Variants in ANK3 observed in about 807,000 individuals in gnomAD.
ANK3 encodes the protein ankyrin 3.
A neutral mutation model predicts 370.9 loss-of-function variants in ANK3; 57 were observed. That is an observed-to-expected ratio of 0.15 (90% CI 0.12 to 0.19). ANK3 has a LOEUF of 0.19. ANK3 is among the 10% of genes least tolerant of loss of function. The probability of loss-of-function intolerance (pLI) is 1.00; values close to 1 mark genes in which losing one functional copy is unlikely to be tolerated. For missense variants in ANK3, 4,439 were observed against 5,302.1 expected (o/e 0.84, Z 5.06); for synonymous variants, 1,929 against 1,946.3 (o/e 0.99, Z 0.23).
At chr10:60,421,391 G>C (rs1248588398) in intron 2 of ANK3, among the ~76,000 whole-genome samples, 5 of 151,962 alleles carry the variant, frequency 3.3e-5, no homozygotes, top group Non-Finnish European at 7.4e-5. Context: ...AATAAACGTG[G>C]GGGAGGAAAG....
intron 2 of ANK3, among the ~76,000 whole-genome samples, chr10:60,427,201 A>G (rs1256383660): frequency 6.6e-6 from 1 of 152,198 alleles, no homozygotes; most frequent in Non-Finnish European, 1.5e-5. Flanking sequence ...TGTAAATCAA[A>G]TAAGCAGTCA....
At chr10:60,201,995 G>T (rs916426878) in intron 12 of ANK3, among the ~76,000 whole-genome samples, 1 of 151,954 alleles carries the variant, frequency 6.6e-6, no homozygotes, top group Non-Finnish European at 1.5e-5. Flanking sequence ...GATTACAGGC[G>T]TGAGCCACCA....
At chr10:60,394,377 C>A (rs545248820), upstream of ANK3, among the ~76,000 whole-genome samples, 1 of 151,950 alleles carries the variant, frequency 6.6e-6, no homozygotes. Context: ...GGACTGGTAG[C>A]CATTCATACA....
chr10:60,108,850 A>G lies in ANK3; in HGVS notation c.3153T>C (p.Pro1051=). The G allele has an allele frequency of 5.0e-6, 8 of 1,614,090 alleles. No homozygotes were observed. The highest frequency in any genetic ancestry group is 2.2e-5 in the East Asian group (1 of 44,872). Residue 1051 remains proline, a synonymous_variant, in exon 27 of 44, where the codon CCT becomes CCC. Transcript: ENST00000280772. Reference sequence around the variant, plus strand: ...CTTACCCTAAAAATTGTGCCCCTGCAGGACCCATTTCTACCAGCCTACTGG... The same window carrying G: ...CTTACCCTAAAAATTGTGCCCCTGCGGGACCCATTTCTACCAGCCTACTGG... The part of the protein sequence containing the change: ...GLASRLVEMG[P]AGAQFLGPVI...
chr10:60,700,449 T>A (rs1001570316), intron 1 of ANK3, among the ~76,000 whole-genome samples: 8 of 152,080 alleles, frequency 5.3e-5, no homozygotes, highest in African/African-American at 1.4e-4. Flanking sequence ...CTGAAAAAAT[T>A]TCCCCCCTGG....
intron 8 of ANK3, among the ~76,000 whole-genome samples, chr10:60,231,060 C>T (rs182842863): frequency 5.9e-5 from 9 of 152,222 alleles, no homozygotes; most frequent in Admixed American, 3.9e-4. Flanking sequence ...TCTTCAGGAA[C>T]AACTTTCTAT....
intron 1 of ANK3, among the ~76,000 whole-genome samples, chr10:60,688,744 C>T (rs965861989): frequency 2.8e-4 from 42 of 151,970 alleles, no homozygotes; most frequent in African/African-American, 1.0e-3. Flanking sequence ...GTCAGGAGAT[C>T]GAGACCATCC....
At chr10:60,561,145 G>T (rs978279416) in intron 2 of ANK3, among the ~76,000 whole-genome samples, 2 of 152,136 alleles carry the variant, frequency 1.3e-5, no homozygotes, top group Non-Finnish European at 2.9e-5. Context: ...AGGAATTAGC[G>T]TGGTTTGCTA....
At chr10:60,413,176 C>T (rs899176099) in intron 2 of ANK3, among the ~76,000 whole-genome samples, 3 of 152,166 alleles carry the variant, frequency 2.0e-5, no homozygotes, top group Admixed American at 6.5e-5. Flanking sequence ...AGTTTTATGA[C>T]ATTGAATGAA....
At chr10:60,371,083 T>C (rs1475373144) in intron 1 of ANK3, among the ~76,000 whole-genome samples, 1 of 152,040 alleles carries the variant, frequency 6.6e-6, no homozygotes, top group African/African-American at 2.4e-5. Context: ...AGTCATCATG[T>C]CCCATTAATT....
At chr10:60,641,710 C>T (rs1332858394) in intron 1 of ANK3, among the ~76,000 whole-genome samples, 1 of 152,136 alleles carries the variant, frequency 6.6e-6, no homozygotes, top group African/African-American at 2.4e-5. Flanking sequence ...CCATTCAAGA[C>T]ATAGGCTTGG....
At chr10:60,329,396 C>T (rs988544807) in intron 1 of ANK3, among the ~76,000 whole-genome samples, 1 of 152,138 alleles carries the variant, frequency 6.6e-6, no homozygotes, top group Non-Finnish European at 1.5e-5. Context: ...ATCATGTCAG[C>T]CCCAAATCTC....
chr10:60,273,849 T>C (rs1988385), intron 4 of ANK3, among the ~76,000 whole-genome samples: 117,984 of 152,170 alleles, frequency 0.78, 45,871 homozygotes, highest in South Asian at 0.91. Context: ...CCATGTAAAA[T>C]GTGACTTTGC....
At chr10:60,419,799 C>T (rs1477246247) in intron 2 of ANK3, among the ~76,000 whole-genome samples, 3 of 152,136 alleles carry the variant, frequency 2.0e-5, no homozygotes, top group Non-Finnish European at 4.4e-5. Context: ...GGATGCAGAC[C>T]TCAGTAAAAC....
chr10:60,644,019 G>C (rs2078674046), intron 1 of ANK3, among the ~76,000 whole-genome samples: 1 of 152,138 alleles, frequency 6.6e-6, no homozygotes, highest in African/African-American at 2.4e-5. Context: ...AACTACATTA[G>C]CCAATTATTT....
At chr10:60,632,331 T>A (rs977076643) in intron 1 of ANK3, among the ~76,000 whole-genome samples, 5 of 152,176 alleles carry the variant, frequency 3.3e-5, no homozygotes, top group Non-Finnish European at 5.9e-5. Context: ...TTACATATAG[T>A]TTTTAGAATT....
At chr10:60,571,014 C>G (rs1169942114) in intron 2 of ANK3, among the ~76,000 whole-genome samples, 1 of 150,450 alleles carries the variant, frequency 6.6e-6, no homozygotes, top group Non-Finnish European at 1.5e-5. Flanking sequence ...CCTGTCAAGA[C>G]ACTTAAAGCC....
Position 60,073,436 on chromosome 10 carries a change from T to C in ANK3, c.7445A>G (p.Glu2482Gly). The C allele has an allele frequency of 6.2e-7, 1 of 1,613,990 alleles. No individual in the cohort carries two copies. The highest frequency in any genetic ancestry group is 8.5e-7 in the Non-Finnish European group (1 of 1,179,980). ...GGGTCCTGCATGGTCTGTAACCGAT[T>C]CCTCAGTATCAGAATGAGACACATC... Reference protein sequence around the residue: ...KLDVSHSDTEESVTDHAGPPS... With the variant: ...KLDVSHSDTEGSVTDHAGPPS... Residue 2482 changes from glutamate (E) to glycine (G), a missense_variant, in exon 37 of 44, where the codon GAA (glutamate) becomes GGA (glycine). By Grantham distance (98) the Glu-to-Gly change is moderately conservative. Coordinates refer to ENST00000280772, the MANE Select transcript of ANK3 (RefSeq NM_020987.5).
At chr10:60,115,784 T>G (rs1407537928) in intron 25 of ANK3, among the ~76,000 whole-genome samples, 1 of 152,106 alleles carries the variant, frequency 6.6e-6, no homozygotes, top group Non-Finnish European at 1.5e-5. Flanking sequence ...CAGTACAAGA[T>G]GTGGAACATT....
Sources: gnomAD v4.1 joint callset for allele counts (sites outside exome capture counted in the v4.1 genomes callset) on GRCh38, gnomAD v4.1.1 for gene constraint, MANE v1.5 for transcripts, NCBI Gene and HGNC (gene_info 2026-07-23, HGNC 2026-07-21) for gene names.